SP3: variants seen among roughly 807,000 people sequenced by gnomAD.
SP3 encodes the protein Sp3 transcription factor.
In SP3, 10 loss-of-function variants were observed where a neutral mutation model predicts 70.3. The observed-to-expected ratio is 0.14, with a 90% CI of 0.09 to 0.24. SP3 has a LOEUF of 0.24. SP3 is among the 10% of genes least tolerant of loss of function. The probability of loss-of-function intolerance (pLI) is 1.00; values close to 1 mark genes in which losing one functional copy is unlikely to be tolerated. For missense variants in SP3, 825 were observed against 914.6 expected (o/e 0.90, Z 1.26); for synonymous variants, 402 against 333.5 (o/e 1.21, Z -2.24).
intron 2 of SP3, 68 bp downstream of exon 2, chr2:173,964,337 G>C (rs999725050): frequency 7.8e-6 from 5 of 639,966 alleles, no homozygotes; most frequent in African/African-American, 1.9e-5. Context: ...CGAGGAGGGA[G>C]GGGAGAGGCG....
chr2:173,943,790 C>T (rs968839474), intron 4 of SP3, among the ~76,000 whole-genome samples: 1 of 152,220 alleles, frequency 6.6e-6, no homozygotes, highest in African/African-American at 2.4e-5. Context: ...CCATTTGTCA[C>T]TTAATGACTG....
intron 2 of SP3, 115 bp downstream of exon 2, chr2:173,964,290 T>A (rs879604002): frequency 1.1e-3 from 331 of 290,876 alleles, no homozygotes; most frequent in Non-Finnish European, 1.7e-3. Context: ...GGGAGGGGAG[T>A]GGAGGGGAGG....
intron 4 of SP3, among the ~76,000 whole-genome samples, chr2:173,930,652 G>C (rs912954014): frequency 6.6e-6 from 1 of 152,150 alleles, no homozygotes; most frequent in East Asian, 1.9e-4. Context: ...GTTACTGCAC[G>C]TTAAGTTTTA....
chr2:173,952,085 A>G (rs1690724355), intron 4 of SP3, among the ~76,000 whole-genome samples: 3 of 150,474 alleles, frequency 2.0e-5, no homozygotes, highest in East Asian at 1.9e-4. Flanking sequence ...TTTCCTTCAC[A>G]TGACAGGCTC....
intron 4 of SP3, among the ~76,000 whole-genome samples, chr2:173,937,022 T>C (rs968877641): frequency 1.3e-5 from 2 of 152,038 alleles, no homozygotes; most frequent in Non-Finnish European, 2.9e-5. Flanking sequence ...ATATTGTTGA[T>C]TACTACTCCA....
At chr2:173,911,812 CCTTTTTTT>C (rs1689491331) in intron 6 of SP3, among the ~76,000 whole-genome samples, 2 of 115,906 alleles carry the variant, frequency 1.7e-5, no homozygotes, top group Admixed American at 9.7e-5. Flanking sequence ...CTTTTATCTA[CCTTTTTTT>C]TTTTTTTTTT....
At position 173,901,256 on chromosome 2, in the gene SP3, G is replaced by T. The variant is rs1168501886; in HGVS notation, c.*8685C>A. Among the ~76,000 whole-genome samples the T allele has an allele frequency of 2.1e-5, 3 of 144,776 alleles. No homozygotes were observed. Among genetic ancestry groups the T allele is most frequent in the Non-Finnish European group, 4.7e-5 (3 of 64,274 alleles). 95.0% of individuals were successfully genotyped at this position (144,776 alleles called of 152,430 possible). On this transcript the variant is annotated 3_prime_UTR_variant, in exon 7 of 7. Coordinates refer to ENST00000310015, the MANE Select transcript of SP3 (RefSeq NM_003111.5). ...AAAAATTTTTATGACAGTAGGTAAA[G>T]AATTTCTTAAGACACAAAAGCCACA...
intron 4 of SP3, among the ~76,000 whole-genome samples, chr2:173,921,522 A>G (rs1689754044): frequency 7.4e-6 from 1 of 135,026 alleles, no homozygotes; most frequent in South Asian, 2.3e-4. Context: ...CGGTCCCGTC[A>G]CTATCCAAAA....
intron 1 of SP3, chr2:173,964,776 T>C (rs1362774674): frequency 1.4e-5 from 5 of 346,086 alleles, no homozygotes; most frequent in Admixed American, 5.2e-5. Flanking sequence ...CCTCTTTCCC[T>C]CCTCCTCCTC....
At chr2:173,960,264 C>T (rs1038651192) in intron 3 of SP3, among the ~76,000 whole-genome samples, 1 of 152,142 alleles carries the variant, frequency 6.6e-6, no homozygotes, top group South Asian at 2.1e-4. Context: ...TACAAATATA[C>T]CGGTGGAAAC....
In SP3 at chr2:173,902,913, C is replaced by A. The variant is rs1237589502; in HGVS notation, c.*7028G>T. Among the ~76,000 whole-genome samples, 1 of 152,100 alleles carries A rather than the reference C, an allele frequency of 6.6e-6. No individual in the cohort carries two copies. Among genetic ancestry groups the A allele is most frequent in the Non-Finnish European group, 1.5e-5 (1 of 68,010 alleles). ...GATTTCAGGCACAACTGTGATCATT[C>A]CTTTCTAAAAGAAAAAATATATAGG... On this transcript the variant is annotated 3_prime_UTR_variant, in exon 7 of 7. Coordinates refer to ENST00000310015, the MANE Select transcript of SP3 (RefSeq NM_003111.5).
chr2:173,943,633 G>A (rs1690444190), intron 4 of SP3, among the ~76,000 whole-genome samples: 1 of 152,194 alleles, frequency 6.6e-6, no homozygotes, highest in South Asian at 2.1e-4. Context: ...TCCCTGCGCT[G>A]CTTTATTTTC....
intron 4 of SP3, among the ~76,000 whole-genome samples, chr2:173,938,076 AT>A (rs2105479221): frequency 6.6e-6 from 1 of 152,310 alleles, no homozygotes; most frequent in South Asian, 2.1e-4. Context: ...ACAGGTTTAT[AT>A]GTTGGCTTCT....
chr2:173,926,906 CTAAG>C (rs943423098), intron 4 of SP3, among the ~76,000 whole-genome samples: 1 of 152,098 alleles, frequency 6.6e-6, no homozygotes, highest in African/African-American at 2.4e-5. Context: ...ATACCTGAGA[CTAAG>C]TAATTTATTT....
In SP3 at chr2:173,906,610, TA is replaced by T. The variant is rs1451540831; in HGVS notation, c.*3330del. On this transcript the variant is annotated 3_prime_UTR_variant, in exon 7 of 7. Coordinates refer to ENST00000310015, the MANE Select transcript of SP3 (RefSeq NM_003111.5). ...TATTTTAAAACCAAATGTTATTCCA[TA>T]ATCATTTATGCAACAACCCCAAATT... is the stretch of plus-strand genomic sequence containing the variant. 10 of 152,248 alleles carry T rather than the reference TA, an allele frequency of 6.6e-5. No individual in the cohort carries two copies. Among genetic ancestry groups the T allele is most frequent in the Admixed American group, 4.6e-4 (7 of 15,292 alleles). 9.4% of individuals were successfully genotyped at this position (152,248 alleles called of 1,614,324 possible).
intron 5 of SP3, chr2:173,915,297 A>G (rs1689593565): frequency 6.6e-6 from 1 of 152,158 alleles, no homozygotes; most frequent in African/African-American, 2.4e-5. Flanking sequence ...CAGGCCCAAA[A>G]TTCTATTTAA....
chr2:173,916,187 A>G (rs1478027021), intron 5 of SP3: 5 of 152,078 alleles, frequency 3.3e-5, no homozygotes, highest in African/African-American at 1.2e-4. Context: ...TTTCTTAGGA[A>G]TCTCAATTTT....
intron 4 of SP3, among the ~76,000 whole-genome samples, chr2:173,954,320 C>A (rs1305746517): frequency 6.6e-6 from 1 of 152,184 alleles, no homozygotes; most frequent in African/African-American, 2.4e-5. Context: ...ATCACAGAAT[C>A]AAAGAATTTT....
intron 4 of SP3, among the ~76,000 whole-genome samples, chr2:173,932,697 A>G (rs771444981): frequency 1.3e-5 from 2 of 152,168 alleles, no homozygotes; most frequent in Admixed American, 6.5e-5. Context: ...GTTAAGAAGT[A>G]TAATAATAAT....
Sources: gnomAD v4.1 joint callset for allele counts (sites outside exome capture counted in the v4.1 genomes callset) on GRCh38, gnomAD v4.1.1 for gene constraint, MANE v1.5 for transcripts, NCBI Gene and HGNC (gene_info 2026-07-23, HGNC 2026-07-21) for gene names.